Variants in ROBO2 observed in about 807,000 individuals in gnomAD.
ROBO2 encodes roundabout homolog 2.
A neutral mutation model predicts 160.8 loss-of-function variants in ROBO2; 53 were observed. The observed-to-expected ratio is 0.33, with a 90% CI of 0.26 to 0.41. ROBO2 has a LOEUF of 0.41. Ranked by LOEUF, ROBO2 falls within the 10% of genes least tolerant of loss-of-function variation. The pLI, the probability that ROBO2 is intolerant of heterozygous loss-of-function variation, is 1.00. For synonymous variants in ROBO2, 664 were observed against 611.7 expected (o/e 1.09, Z -1.26); for missense variants, 1,577 against 1,722.4 (o/e 0.92, Z 1.49).
rs139716881 is a variant in ROBO2, at chr3:76,801,687, A to G, written c.110-296327A>G. ...CGTTTTGCTTTCTTATCACTTGCGTATTCACTGGAGTAGCACTTTTAATTT... is the reference window on the plus strand; with the variant it reads ...CGTTTTGCTTTCTTATCACTTGCGTGTTCACTGGAGTAGCACTTTTAATTT... On this transcript the variant is annotated intron_variant, in intron 2 of 26. Coordinates refer to the ROBO2 transcript ENST00000487694. 4.2e-3 allele frequency among the ~76,000 whole-genome samples: 645 copies of G among 152,238 alleles called. 1 individual carries two copies. The highest frequency in any genetic ancestry group is 0.018 in the South Asian group (89 of 4,826).
chr3:77,508,499 A>G (rs1055605977), intron 5 of ROBO2, among the ~76,000 whole-genome samples: 7 of 149,650 alleles, frequency 4.7e-5, no homozygotes, highest in Non-Finnish European at 1.0e-4. Flanking sequence ...AAATCTCTAA[A>G]TGTTTAGGAG....
chr3:77,142,631 C>T (rs576875919), intron 2 of ROBO2, among the ~76,000 whole-genome samples: 5 of 152,270 alleles, frequency 3.3e-5, no homozygotes, highest in East Asian at 3.9e-4. Context: ...AATCAATACG[C>T]GGTGGTCCCT....
At chr3:77,490,617 T>C (rs1003780774) in intron 4 of ROBO2, among the ~76,000 whole-genome samples, 3 of 152,132 alleles carry the variant, frequency 2.0e-5, no homozygotes, top group Non-Finnish European at 4.4e-5. Context: ...TGCCGAACAA[T>C]GGCTTAGGCA....
At chr3:77,276,956 C>T (rs1028979411) in intron 2 of ROBO2, among the ~76,000 whole-genome samples, 2 of 152,006 alleles carry the variant, frequency 1.3e-5, no homozygotes, top group African/African-American at 4.8e-5. Context: ...GGAAAACTGC[C>T]CTCGTGATTG....
At chr3:76,834,134 CT>C (rs1246306217) in intron 2 of ROBO2, among the ~76,000 whole-genome samples, 1 of 135,756 alleles carries the variant, frequency 7.4e-6, no homozygotes, top group Non-Finnish European at 1.6e-5. Flanking sequence ...CTCCTTCCTT[CT>C]TTCCTTCCTT....
chr3:76,689,415 C>G (rs1344613481), intron 2 of ROBO2, among the ~76,000 whole-genome samples: 1 of 151,996 alleles, frequency 6.6e-6, no homozygotes, highest in African/African-American at 2.4e-5. Context: ...CTTCTCCAAT[C>G]CACTTTATTA....
intron 2 of ROBO2, among the ~76,000 whole-genome samples, chr3:76,421,405 A>C (rs1055614813): frequency 5.9e-5 from 9 of 152,144 alleles, no homozygotes; most frequent in African/African-American, 2.2e-4. Context: ...CAACAATAAT[A>C]TTTTTTGATT....
At chr3:76,399,876 A>G (rs949962573) in intron 2 of ROBO2, among the ~76,000 whole-genome samples, 3 of 151,772 alleles carry the variant, frequency 2.0e-5, no homozygotes, top group African/African-American at 7.2e-5. Flanking sequence ...TTATAATACC[A>G]TATAGTAGAT....
chr3:76,183,578 A>T (rs1701609775), intron 2 of ROBO2, among the ~76,000 whole-genome samples: 1 of 152,032 alleles, frequency 6.6e-6, no homozygotes, highest in Admixed American at 6.6e-5. Flanking sequence ...TTAAACAAAG[A>T]TTAAGTAAAG....
chr3:77,643,642 T>C (rs1225528374), intron 24 of ROBO2, among the ~76,000 whole-genome samples: 3 of 152,168 alleles, frequency 2.0e-5, no homozygotes. Context: ...CATGTCAGGA[T>C]TCATTGAGTA....
At chr3:76,535,151 A>G (rs959591197) in intron 2 of ROBO2, among the ~76,000 whole-genome samples, 1 of 152,032 alleles carries the variant, frequency 6.6e-6, no homozygotes, top group Non-Finnish European at 1.5e-5. Flanking sequence ...CATTAACAGA[A>G]TAATGAGTTG....
chr3:76,638,396 G>C (rs2090454974), intron 2 of ROBO2, among the ~76,000 whole-genome samples: 1 of 152,204 alleles, frequency 6.6e-6, no homozygotes, highest in African/African-American at 2.4e-5. Flanking sequence ...ATAATTCAAA[G>C]TAATATATTA....
At chr3:76,737,829 A>G (rs2093738044) in intron 2 of ROBO2, among the ~76,000 whole-genome samples, 1 of 140,096 alleles carries the variant, frequency 7.1e-6, no homozygotes, top group Non-Finnish European at 1.5e-5. Flanking sequence ...AACTAAAGCA[A>G]TAATCCTGTG....
chr3:76,367,894 C>T (rs2075905973), intron 2 of ROBO2, among the ~76,000 whole-genome samples: 1 of 151,414 alleles, frequency 6.6e-6, no homozygotes, highest in Non-Finnish European at 1.5e-5. Flanking sequence ...TATCAATACA[C>T]AGTGATATAT....
At chr3:77,266,795 T>C (rs1409689368) in intron 2 of ROBO2, among the ~76,000 whole-genome samples, 1 of 152,198 alleles carries the variant, frequency 6.6e-6, no homozygotes, top group Non-Finnish European at 1.5e-5. Flanking sequence ...AAGTGATTTA[T>C]GTAAGGGTCA....
At chr3:77,564,249 G>T (rs2093417306) in intron 11 of ROBO2, among the ~76,000 whole-genome samples, 1 of 152,074 alleles carries the variant, frequency 6.6e-6, no homozygotes, top group Non-Finnish European at 1.5e-5. Flanking sequence ...TTTCTTCTGA[G>T]CAAAAGTGGC....
intron 2 of ROBO2, among the ~76,000 whole-genome samples, chr3:76,329,461 G>A (rs930940629): frequency 5.9e-5 from 9 of 152,130 alleles, no homozygotes; most frequent in African/African-American, 2.2e-4. Flanking sequence ...CAAGTGATCC[G>A]CCCGCCTGGG....
At chr3:77,200,484 C>A (rs1454149371) in intron 2 of ROBO2, among the ~76,000 whole-genome samples, 2 of 151,328 alleles carry the variant, frequency 1.3e-5, no homozygotes, top group African/African-American at 2.4e-5. Flanking sequence ...ATGGGTATCA[C>A]CCCCTCATCA....
intron 2 of ROBO2, among the ~76,000 whole-genome samples, chr3:77,411,566 C>T (rs749972815): frequency 1.3e-5 from 2 of 152,102 alleles, no homozygotes; most frequent in Non-Finnish European, 2.9e-5. Flanking sequence ...TCCTTCACAC[C>T]TTGCTACGGT....
Sources: gnomAD v4.1 joint callset for allele counts (sites outside exome capture counted in the v4.1 genomes callset) on GRCh38, gnomAD v4.1.1 for gene constraint, MANE v1.5 for transcripts, NCBI Gene and HGNC (gene_info 2026-07-23, HGNC 2026-07-21) for gene names.